VSNL1: variants seen among roughly 807,000 people sequenced by gnomAD.
VSNL1 encodes visinin like 1, also known as visinin-like protein 1.
A neutral mutation model predicts 20.4 loss-of-function variants in VSNL1; 6 were observed. That is an observed-to-expected ratio of 0.29 (90% CI 0.16 to 0.58). The LOEUF (loss-of-function observed/expected upper bound fraction) is 0.58, where lower values mean the gene tolerates loss of function less well. Ranked by LOEUF, VSNL1 falls within the 20% of genes least tolerant of loss-of-function variation. The pLI, the probability that VSNL1 is intolerant of heterozygous loss-of-function variation, is 0.90. For synonymous variants in VSNL1, 93 were observed against 86.4 expected (o/e 1.08, Z -0.42); for missense variants, 100 against 234.5 (o/e 0.43, Z 3.75).
rs1276016249 is a variant in VSNL1, at chr2:17,637,095, C to T, written c.163-12315C>T. Among the ~76,000 whole-genome samples, 7 of 152,292 alleles carry T rather than the reference C, an allele frequency of 4.6e-5. No individual in the cohort carries two copies. The South Asian group carries it at 6.2e-4, about 14-fold the overall frequency. On this transcript the variant is annotated intron_variant, in intron 2 of 3. Coordinates refer to ENST00000295156, the MANE Select transcript of VSNL1 (RefSeq NM_003385.5). ...CTAGAGCTGGCTGTCCGGTTCCTTC[C>T]GGCCCCTCTTGCCCAGCTCTTCCCC...
chr2:17,596,817 A>G (rs2680830), intron 2 of VSNL1, among the ~76,000 whole-genome samples: 143,249 of 152,290 alleles, frequency 0.94, 67,934 homozygotes, highest in East Asian at 1. Flanking sequence ...AATCTCTGCC[A>G]GTTTGAATTT....
At chr2:17,621,536 C>T (rs1665358669) in intron 2 of VSNL1, among the ~76,000 whole-genome samples, 1 of 152,168 alleles carries the variant, frequency 6.6e-6, no homozygotes, top group South Asian at 2.1e-4. Flanking sequence ...GTTGGCCAGG[C>T]TGGTCTCGAA....
At chr2:17,610,708 G>A (rs1665063724) in intron 2 of VSNL1, among the ~76,000 whole-genome samples, 1 of 152,164 alleles carries the variant, frequency 6.6e-6, no homozygotes, top group Non-Finnish European at 1.5e-5. Context: ...GTTGAGGACA[G>A]AGAACATGAT....
chr2:17,574,450 A>G (rs1200029425), intron 1 of VSNL1, among the ~76,000 whole-genome samples: 1 of 152,136 alleles, frequency 6.6e-6, no homozygotes, highest in Non-Finnish European at 1.5e-5. Context: ...CAGATGAGTC[A>G]CCAATTTAAC....
intron 1 of VSNL1, among the ~76,000 whole-genome samples, chr2:17,587,392 C>T (rs1572349415): frequency 2.0e-5 from 3 of 147,168 alleles, no homozygotes; most frequent in South Asian, 2.1e-4. Flanking sequence ...CACACACACA[C>T]ACATATATTT....
At chr2:17,548,317 C>T (rs540006278) in intron 1 of VSNL1, among the ~76,000 whole-genome samples, 2 of 151,968 alleles carry the variant, frequency 1.3e-5, no homozygotes, top group Admixed American at 1.3e-4. Flanking sequence ...CTATTTCCTG[C>T]CCAATTTCCT....
intron 2 of VSNL1, among the ~76,000 whole-genome samples, chr2:17,621,424 GCAATTCTCC>G (rs1408504449): frequency 3.9e-5 from 6 of 152,142 alleles, no homozygotes; most frequent in Non-Finnish European, 7.4e-5. Context: ...CCGGGTTCAA[GCAATTCTCC>G]CACCTCAGCC....
intron 1 of VSNL1, among the ~76,000 whole-genome samples, chr2:17,558,823 G>A (rs1558281450): frequency 6.6e-6 from 1 of 152,036 alleles, no homozygotes; most frequent in Non-Finnish European, 1.5e-5. Context: ...TATCTTTAAG[G>A]TATTTCCACT....
chr2:17,645,357 C>CCAT (rs1665970226), intron 2 of VSNL1, among the ~76,000 whole-genome samples: 1 of 152,248 alleles, frequency 6.6e-6, no homozygotes, highest in Non-Finnish European at 1.5e-5. Flanking sequence ...GCTGCCTCCT[C>CCAT]CATCACATTG....
chr2:17,558,326 G>A (rs13397463), intron 1 of VSNL1, among the ~76,000 whole-genome samples: 4,548 of 152,228 alleles, frequency 0.03, 213 homozygotes, highest in African/African-American at 0.1. Context: ...TCTGTGAAAT[G>A]TAGATAATGA....
At chr2:17,553,033 G>A (rs534555651) in intron 1 of VSNL1, among the ~76,000 whole-genome samples, 9 of 152,200 alleles carry the variant, frequency 5.9e-5, no homozygotes, top group African/African-American at 1.9e-4. Context: ...TTCAGTGAAT[G>A]TTAAGTCTCC....
At chr2:17,653,448 CT>C (rs1410272969) in intron 3 of VSNL1, among the ~76,000 whole-genome samples, 3 of 152,198 alleles carry the variant, frequency 2.0e-5, no homozygotes, top group Admixed American at 2.0e-4. Flanking sequence ...CCATTTGTCT[CT>C]TTTTAAATTC....
At chr2:17,610,088 T>C (rs771845999) in intron 2 of VSNL1, among the ~76,000 whole-genome samples, 89 of 152,296 alleles carry the variant, frequency 5.8e-4, no homozygotes, top group Non-Finnish European at 1.0e-3. Flanking sequence ...CAGTGCCACA[T>C]AGGGTAAGGG....
intron 2 of VSNL1, among the ~76,000 whole-genome samples, chr2:17,643,956 A>G (rs1665937123): frequency 6.6e-6 from 1 of 152,174 alleles, no homozygotes; most frequent in Non-Finnish European, 1.5e-5. Context: ...CCAGACACAG[A>G]AAGGTCTCTG....
rs1407411163 is a variant in VSNL1, at chr2:17,588,689, C to G, written c.-5-3381C>G. On this transcript the variant is annotated intron_variant, in intron 1 of 3. Transcript: ENST00000295156. ...AGATACTGAGATAAAAGACATGGGT[C>G]CCACCTGCAAGGTATTCAATTTTAA... 2.6e-5 allele frequency among the ~76,000 whole-genome samples: 4 copies of G among 152,276 alleles called. No homozygotes were observed. In the Middle Eastern group the frequency reaches 0.01, roughly 391 times the overall value.
intron 1 of VSNL1, among the ~76,000 whole-genome samples, chr2:17,587,394 CAT>C (rs1553301053): frequency 1.0e-4 from 15 of 144,584 alleles, no homozygotes; most frequent in Middle Eastern, 3.5e-3. Flanking sequence ...CACACACACA[CAT>C]ATATTTTGTT....
At position 17,609,964 on chromosome 2, in the gene VSNL1, T is replaced by G. The variant is rs114526039; in HGVS notation, c.162+17728T>G. On this transcript the variant is annotated intron_variant, in intron 2 of 3. Coordinates refer to ENST00000295156, the MANE Select transcript of VSNL1 (RefSeq NM_003385.5). ...CCGGCAGGCTGTGCCACTGGACTGG[T>G]TGACTGTAACTACTACTTTTGTTTC... is the stretch of plus-strand genomic sequence containing the variant. 2.6e-3 allele frequency among the ~76,000 whole-genome samples: 396 copies of G among 152,370 alleles called. 1 individual carries two copies. The highest frequency in any genetic ancestry group is 9.2e-3 in the African/African-American group (384 of 41,586).
At chr2:17,579,780 G>T (rs1166886453) in intron 1 of VSNL1, among the ~76,000 whole-genome samples, 5 of 152,166 alleles carry the variant, frequency 3.3e-5, no homozygotes, top group Non-Finnish European at 5.9e-5. Context: ...CCTGGAAAAG[G>T]ACCTCCTGTG....
chr2:17,648,356 G>A (rs1017576102), intron 2 of VSNL1, among the ~76,000 whole-genome samples: 2 of 152,204 alleles, frequency 1.3e-5, no homozygotes, highest in Non-Finnish European at 2.9e-5. Context: ...AGGGCTCCTC[G>A]AGGTAGATAG....
Sources: allele counts gnomAD v4.1 joint callset (sites outside exome capture counted in the v4.1 genomes callset), GRCh38; gene constraint gnomAD v4.1.1; transcripts MANE v1.5; gene names NCBI Gene and HGNC (gene_info 2026-07-23, HGNC 2026-07-21).